CNTN5: variants seen among roughly 807,000 people sequenced by gnomAD.
The protein encoded by CNTN5 is contactin-5.
CNTN5 carries 77 observed loss-of-function variants against 129.1 expected under a neutral mutation model. The ratio of observed to expected loss-of-function variants is 0.60; its 90% CI spans 0.50 to 0.72. The LOEUF is 0.72. Among genes scored for constraint, CNTN5 ranks in the 30% least tolerant of loss-of-function variants. The pLI is 0.00. For synonymous variants in CNTN5, 509 were observed against 465.6 expected, an observed-to-expected ratio of 1.09 and a Z score of -1.20; for missense variants, 1,478 against 1,328.8, an observed-to-expected ratio of 1.11 and a Z score of -1.75.
chr11:100,322,384 G>A (rs563228462), intron 21 of CNTN5, among the ~76,000 whole-genome samples: 6 of 152,034 alleles, frequency 3.9e-5, no homozygotes, highest in Non-Finnish European at 2.9e-5. Context: ...CACTACGCCC[G>A]GCTAATTTTT....
At chr11:99,873,581 G>A (rs1948558004) in intron 6 of CNTN5, among the ~76,000 whole-genome samples, 1 of 152,070 alleles carries the variant, frequency 6.6e-6, no homozygotes, top group Admixed American at 6.6e-5. Flanking sequence ...TGGCATGGAT[G>A]CAGAAAAAAC....
intron 3 of CNTN5, among the ~76,000 whole-genome samples, chr11:99,758,456 C>A (rs909075807): frequency 2.6e-5 from 4 of 152,022 alleles, no homozygotes; most frequent in South Asian, 4.2e-4. Context: ...GCCTTTTTAG[C>A]AAATATTATT....
intron 2 of CNTN5, among the ~76,000 whole-genome samples, chr11:99,363,358 A>G (rs972170410): frequency 3.9e-5 from 6 of 152,314 alleles, no homozygotes; most frequent in Non-Finnish European, 8.8e-5. Flanking sequence ...TAAATTTCTA[A>G]GTTGACAGAA....
chr11:99,381,650 G>A (rs1046116391), intron 2 of CNTN5, among the ~76,000 whole-genome samples: 5 of 152,092 alleles, frequency 3.3e-5, no homozygotes, highest in African/African-American at 1.2e-4. Flanking sequence ...TTTAATGTAT[G>A]TGGCATAGTG....
At chr11:99,895,878 C>T (rs1949192043) in intron 6 of CNTN5, among the ~76,000 whole-genome samples, 2 of 152,138 alleles carry the variant, frequency 1.3e-5, no homozygotes, top group African/African-American at 4.8e-5. Context: ...CAGCATTTTT[C>T]CGTGTCCCTA....
intron 3 of CNTN5, among the ~76,000 whole-genome samples, chr11:99,799,302 G>A (rs1946043116): frequency 6.6e-6 from 1 of 151,538 alleles, no homozygotes; most frequent in Non-Finnish European, 1.5e-5. Context: ...GGAGTGGTGA[G>A]AATGGCGCAT....
intron 3 of CNTN5, among the ~76,000 whole-genome samples, chr11:99,634,454 AGACT>A (rs1365868779): frequency 6.6e-6 from 1 of 152,190 alleles, no homozygotes. Context: ...TAGAGAGGGA[AGACT>A]GACTGCAGTG....
At chr11:99,737,065 C>T (rs938597662) in intron 3 of CNTN5, among the ~76,000 whole-genome samples, 4 of 152,046 alleles carry the variant, frequency 2.6e-5, no homozygotes, top group African/African-American at 7.2e-5. Flanking sequence ...ATAGTCTCCA[C>T]GTTTTGCCCT....
intron 2 of CNTN5, among the ~76,000 whole-genome samples, chr11:99,471,603 C>G (rs190335601): frequency 4.0e-5 from 6 of 151,788 alleles, no homozygotes; most frequent in Admixed American, 3.3e-4. Flanking sequence ...ACTCCTTCAT[C>G]TGTAAATTGG....
chr11:99,064,213 C>G (rs1273276094), intron 1 of CNTN5, among the ~76,000 whole-genome samples: 1 of 152,146 alleles, frequency 6.6e-6, no homozygotes, highest in African/African-American at 2.4e-5. Context: ...ATCATTTTCA[C>G]TCTTCTGTCA....
At chr11:100,078,732 G>A (rs1944243873) in intron 13 of CNTN5, among the ~76,000 whole-genome samples, 1 of 152,006 alleles carries the variant, frequency 6.6e-6, no homozygotes, top group African/African-American at 2.4e-5. Context: ...AAAATATATT[G>A]CCTAGTGTAT....
At chr11:99,292,598 C>G (rs997651863) in intron 1 of CNTN5, among the ~76,000 whole-genome samples, 15 of 152,148 alleles carry the variant, frequency 9.9e-5, no homozygotes, top group South Asian at 2.1e-4. Flanking sequence ...CTTTCCTGCT[C>G]ACTTAATCCC....
Position 100,356,282 on chromosome 11 carries a change from A to G in CNTN5, c.*62A>G. On this transcript the variant is annotated 3_prime_UTR_variant, in exon 25 of 25. Transcript: ENST00000524871. Reference sequence around the variant, plus strand: ...TTGGTAACAGCGGTGAATAGAGTGTAGTGTAAGTGGAGAACCAGGATCCTG... The same window carrying G: ...TTGGTAACAGCGGTGAATAGAGTGTGGTGTAAGTGGAGAACCAGGATCCTG... The G allele has an allele frequency of 8.9e-7, 1 of 1,119,668 alleles. No individual in the cohort carries two copies. Among genetic ancestry groups the G allele is most frequent in the Admixed American group, 2.0e-5 (1 of 50,914 alleles). The allele number at this position is 1,119,668 out of a possible 1,614,324, so 69.4% of individuals were successfully genotyped here. A position where few individuals can be genotyped will look rare whatever the true frequency, so the allele number is the denominator to read the frequency against.
chr11:99,693,661 T>A (rs1263597912), intron 3 of CNTN5, among the ~76,000 whole-genome samples: 1 of 152,010 alleles, frequency 6.6e-6, no homozygotes. Flanking sequence ...AATTGAGTAG[T>A]TGACAAGAAA....
intron 3 of CNTN5, among the ~76,000 whole-genome samples, chr11:99,782,673 G>T (rs1446053468): frequency 6.6e-6 from 1 of 151,766 alleles, no homozygotes; most frequent in Non-Finnish European, 1.5e-5. Context: ...AAATAACGCC[G>T]CATATCCACA....
intron 2 of CNTN5, among the ~76,000 whole-genome samples, chr11:99,340,899 C>T (rs1291240627): frequency 1.7e-4 from 26 of 152,102 alleles, no homozygotes; most frequent in Admixed American, 1.7e-3. Flanking sequence ...TATTTTCAGG[C>T]TGCTAACTGT....
chr11:99,480,956 C>T (rs186956299), intron 2 of CNTN5, among the ~76,000 whole-genome samples: 79 of 152,198 alleles, frequency 5.2e-4, no homozygotes, highest in Non-Finnish European at 8.7e-4. Context: ...AAGATAACCA[C>T]GAAATTCACT....
chr11:99,807,940 C>T (rs372374626), intron 3 of CNTN5, among the ~76,000 whole-genome samples: 49 of 152,062 alleles, frequency 3.2e-4, no homozygotes, highest in African/African-American at 8.9e-4. Flanking sequence ...CAGGTACCAC[C>T]GTTTTGGATC....
intron 2 of CNTN5, among the ~76,000 whole-genome samples, chr11:99,539,341 A>C (rs1178967755): frequency 6.6e-6 from 1 of 152,044 alleles, no homozygotes; most frequent in East Asian, 1.9e-4. Flanking sequence ...ATTAAACTGA[A>C]ACAGTAGACT....
Sources: gnomAD v4.1 joint callset for allele counts (sites outside exome capture counted in the v4.1 genomes callset) on GRCh38, gnomAD v4.1.1 for gene constraint, MANE v1.5 for transcripts, NCBI Gene and HGNC (gene_info 2026-07-23, HGNC 2026-07-21) for gene names.